Variants in PRKG1 observed in about 807,000 individuals in gnomAD.
PRKG1 encodes protein kinase cGMP-dependent 1.
In PRKG1, 35 loss-of-function variants were observed where a neutral mutation model predicts 88.1. The ratio of observed to expected loss-of-function variants is 0.40; its 90% CI spans 0.30 to 0.53. The LOEUF is 0.53. Ranked by LOEUF, PRKG1 falls within the 20% of genes least tolerant of loss-of-function variation. PRKG1 has a pLI of 0.59. For missense variants in PRKG1, 540 were observed against 839.8 expected (o/e 0.64, Z 4.41); for synonymous variants, 303 against 292.5 (o/e 1.04, Z -0.37).
rs183145838 is a variant in PRKG1 at position 51,250,005 on chromosome 10, A to C, written c.478+96675A>C. Among the ~76,000 whole-genome samples the C allele has an allele frequency of 7.2e-5, 11 of 151,888 alleles. No individual in the cohort carries two copies. In the East Asian group the frequency reaches 2.1e-3, roughly 29 times the overall value. Reference sequence around the variant, plus strand: ...TTATGTAATTCTTATCATCTAGGGTACTTTGTTTATTAGAGGAGAAAACTG... The same window carrying C: ...TTATGTAATTCTTATCATCTAGGGTCCTTTGTTTATTAGAGGAGAAAACTG... On this transcript the variant is annotated intron_variant, in intron 2 of 17. Coordinates refer to ENST00000373980, the MANE Select transcript of PRKG1 (RefSeq NM_006258.4).
intron 2 of PRKG1, among the ~76,000 whole-genome samples, chr10:51,354,790 T>A (rs1842328992): frequency 6.6e-6 from 1 of 152,102 alleles, no homozygotes; most frequent in East Asian, 1.9e-4. Flanking sequence ...GGCTGTGTTG[T>A]CTATGGGAAG....
intron 3 of PRKG1, among the ~76,000 whole-genome samples, chr10:51,677,032 C>G (rs1443380793): frequency 6.6e-6 from 1 of 152,150 alleles, no homozygotes. Flanking sequence ...TGTATGTGCC[C>G]TCCCAATAAT....
intron 1 of PRKG1, among the ~76,000 whole-genome samples, chr10:51,130,878 C>T (rs939196842): frequency 6.6e-6 from 1 of 151,932 alleles, no homozygotes; most frequent in Non-Finnish European, 1.5e-5. Flanking sequence ...CACTGCACTC[C>T]AGCCTATGCA....
chr10:51,467,059 T>C (rs1324319139), intron 2 of PRKG1, among the ~76,000 whole-genome samples: 3 of 152,110 alleles, frequency 2.0e-5, no homozygotes, highest in African/African-American at 7.2e-5. Context: ...GGTAACAATA[T>C]ATACCCAGTA....
At chr10:51,865,149 C>A (rs947321017) in intron 4 of PRKG1, among the ~76,000 whole-genome samples, 3 of 152,058 alleles carry the variant, frequency 2.0e-5, no homozygotes, top group Non-Finnish European at 4.4e-5. Flanking sequence ...TCTTCAAAAT[C>A]TAATCATTAA....
intron 2 of PRKG1, among the ~76,000 whole-genome samples, chr10:51,432,175 A>T (rs1461948754): frequency 6.6e-6 from 1 of 152,172 alleles, no homozygotes; most frequent in African/African-American, 2.4e-5. Flanking sequence ...ATTAGTCTTT[A>T]TATACTTATT....
intron 4 of PRKG1, among the ~76,000 whole-genome samples, chr10:51,822,391 C>T (rs187605893): frequency 8.6e-5 from 13 of 151,784 alleles, no homozygotes; most frequent in Admixed American, 5.2e-4. Flanking sequence ...AAAACAAGAG[C>T]GTGAACTGGG....
At chr10:51,304,978 G>A (rs1840998784) in intron 2 of PRKG1, among the ~76,000 whole-genome samples, 1 of 152,074 alleles carries the variant, frequency 6.6e-6, no homozygotes, top group South Asian at 2.1e-4. Flanking sequence ...AATCAGCAAG[G>A]CCATTCTTTC....
intron 2 of PRKG1, among the ~76,000 whole-genome samples, chr10:51,311,081 G>A (rs956146265): frequency 6.6e-6 from 1 of 152,136 alleles, no homozygotes; most frequent in Non-Finnish European, 1.5e-5. Flanking sequence ...AATGAGGAGT[G>A]TGTACAGCAC....
chr10:52,196,560 A>G (rs531457174), intron 9 of PRKG1, among the ~76,000 whole-genome samples: 145 of 152,272 alleles, frequency 9.5e-4, no homozygotes, highest in African/African-American at 3.4e-3. Context: ...TATATTTACC[A>G]ACAACGAAAG....
Position 51,833,363 on chromosome 10 carries a change from T to C in PRKG1, c.698+28673T>C, listed in dbSNP as rs529175321. Among the ~76,000 whole-genome samples, 19 of 152,316 alleles carry C rather than the reference T, an allele frequency of 1.2e-4. No homozygotes were observed. The South Asian group carries it at 3.5e-3, about 28-fold the overall frequency. On this transcript the variant is annotated intron_variant, in intron 4 of 17. Coordinates refer to ENST00000373980, the MANE Select transcript of PRKG1 (RefSeq NM_006258.4). ...ATATAGTAATCATCACTCCTCTCTG[T>C]TGAACTCTCAGTGCTTGCCAAGCTT... is the stretch of plus-strand genomic sequence containing the variant.
intron 2 of PRKG1, among the ~76,000 whole-genome samples, chr10:51,393,148 G>GGTT (rs576416143): frequency 6.9e-6 from 1 of 143,998 alleles, no homozygotes; most frequent in Non-Finnish European, 1.5e-5. Context: ...CAGACGGGGC[G>GGTT]GCCGGGCAGA....
At chr10:51,138,260 A>C (rs1845733413) in intron 1 of PRKG1, among the ~76,000 whole-genome samples, 1 of 152,206 alleles carries the variant, frequency 6.6e-6, no homozygotes, top group African/African-American at 2.4e-5. Context: ...GAATTTCAAA[A>C]CACTGTATTC....
At position 52,279,550 on chromosome 10, in the gene PRKG1, G is replaced by T. The variant is rs78807770; in HGVS notation, c.1404-1239G>T. Among the ~76,000 whole-genome samples, 112 of 152,202 alleles carry T rather than the reference G, an allele frequency of 7.4e-4. No individual in the cohort carries two copies. The East Asian group carries it at 0.016, about 22-fold the overall frequency. ...TTTCTGGAAGACACTACCTATTTCT[G>T]AAAGCCTGAAAAGTGGCTGCTTTAG... On this transcript the variant is annotated intron_variant, in intron 12 of 17. Transcript: ENST00000373980.
intron 3 of PRKG1, among the ~76,000 whole-genome samples, chr10:51,654,000 A>T (rs757347208): frequency 6.6e-6 from 1 of 151,942 alleles, no homozygotes; most frequent in Non-Finnish European, 1.5e-5. Context: ...TTATGTGTTC[A>T]TTCTGTTGTT....
chr10:51,953,417 G>C (rs147234887), intron 5 of PRKG1, among the ~76,000 whole-genome samples: 1,905 of 152,218 alleles, frequency 0.013, 34 homozygotes, highest in African/African-American at 0.042. Context: ...AATTGTAGCA[G>C]TGTGCTGGCA....
At chr10:52,044,826 C>T (rs1441409933) in intron 5 of PRKG1, among the ~76,000 whole-genome samples, 1 of 152,130 alleles carries the variant, frequency 6.6e-6, no homozygotes, top group Non-Finnish European at 1.5e-5. Context: ...GTTACAGCTT[C>T]TCTTGGTTCC....
chr10:52,157,782 C>G (rs1343183777), intron 8 of PRKG1, among the ~76,000 whole-genome samples: 1 of 151,432 alleles, frequency 6.6e-6, no homozygotes, highest in Non-Finnish European at 1.5e-5. Flanking sequence ...TTTCCTTCTT[C>G]CCTTCCTTGT....
intron 9 of PRKG1, among the ~76,000 whole-genome samples, chr10:52,233,866 C>T (rs1207899191): frequency 6.6e-6 from 1 of 152,018 alleles, no homozygotes; most frequent in East Asian, 1.9e-4. Context: ...GGGCAGGGCA[C>T]AGACAAACAA....
Sources: allele counts gnomAD v4.1 joint callset (sites outside exome capture counted in the v4.1 genomes callset), GRCh38; gene constraint gnomAD v4.1.1; transcripts MANE v1.5; gene names NCBI Gene and HGNC (gene_info 2026-07-23, HGNC 2026-07-21).